Variants in AFF3 observed in about 807,000 individuals in gnomAD.
AFF3 encodes the protein AF4/FMR2 family member 3.
In AFF3, 32 loss-of-function variants were observed where a neutral mutation model predicts 129.7. The observed-to-expected ratio is 0.25, with a 90% CI of 0.19 to 0.33. AFF3 has a LOEUF of 0.33. Ranked by LOEUF, AFF3 falls within the 10% of genes least tolerant of loss-of-function variation. The pLI is 1.00. For synonymous variants in AFF3, 644 were observed against 635.4 expected, an observed-to-expected ratio of 1.01 and a Z score of -0.20; for missense variants, 1,373 against 1,592.0, an observed-to-expected ratio of 0.86 and a Z score of 2.34.
chr2:100,120,953 T>C (rs1691938711), intron 2 of AFF3, among the ~76,000 whole-genome samples: 1 of 152,182 alleles, frequency 6.6e-6, no homozygotes, highest in Non-Finnish European at 1.5e-5. Flanking sequence ...TTGCCTTTTA[T>C]CCTAGTCTCA....
intron 7 of AFF3, among the ~76,000 whole-genome samples, chr2:99,922,458 AG>A (rs376097830): frequency 6.6e-6 from 1 of 152,372 alleles, no homozygotes; most frequent in African/African-American, 2.4e-5. Context: ...CTGGATAAAA[AG>A]AAGCCAGAAA....
intron 2 of AFF3, chr2:100,106,538 C>A: frequency 2.0e-6 from 2 of 997,114 alleles, no homozygotes; most frequent in Non-Finnish European, 2.4e-6. Context: ...ATTGAGACAG[C>A]ATTCCCAGGA....
chr2:99,575,886 T>C (rs191647053), intron 18 of AFF3, among the ~76,000 whole-genome samples: 106 of 152,280 alleles, frequency 7.0e-4, no homozygotes, highest in African/African-American at 2.4e-3. Flanking sequence ...GTTTCAGCCA[T>C]AGCAGATTAA....
At chr2:99,719,993 C>T (rs1263972192) in intron 11 of AFF3, among the ~76,000 whole-genome samples, 7 of 152,114 alleles carry the variant, frequency 4.6e-5, no homozygotes, top group Admixed American at 1.3e-4. Flanking sequence ...GCTGAGATCG[C>T]GCCAATGCAC....
chr2:99,834,550 T>C (rs191773568), intron 8 of AFF3, among the ~76,000 whole-genome samples: 135 of 152,352 alleles, frequency 8.9e-4, no homozygotes, highest in Non-Finnish European at 1.7e-3. Context: ...CTGCATTTTC[T>C]GTTTTCTCGA....
At chr2:99,791,821 GTTTTTC>G (rs1685208963) in intron 8 of AFF3, among the ~76,000 whole-genome samples, 1 of 150,138 alleles carries the variant, frequency 6.7e-6, no homozygotes, top group Non-Finnish European at 1.5e-5. Context: ...GCAATTTTGT[GTTTTTC>G]TTTTTTTTTT....
At chr2:99,634,767 T>C (rs945245877) in intron 13 of AFF3, among the ~76,000 whole-genome samples, 4 of 151,906 alleles carry the variant, frequency 2.6e-5, no homozygotes, top group Admixed American at 2.6e-4. Flanking sequence ...TATATTTAAG[T>C]GCAGAACACA....
intron 7 of AFF3, among the ~76,000 whole-genome samples, chr2:99,948,689 A>G (rs911344682): frequency 6.6e-6 from 1 of 152,204 alleles, no homozygotes; most frequent in African/African-American, 2.4e-5. Context: ...GCAAGGCCAG[A>G]GCAGGACAAG....
chr2:99,969,581 C>T (rs1045168272), intron 7 of AFF3, among the ~76,000 whole-genome samples: 1 of 152,080 alleles, frequency 6.6e-6, no homozygotes, highest in Non-Finnish European at 1.5e-5. Context: ...CTCCGCCTCC[C>T]AGGCTCAAAA....
At chr2:99,807,240 G>A (rs181244233) in intron 8 of AFF3, among the ~76,000 whole-genome samples, 1 of 152,330 alleles carries the variant, frequency 6.6e-6, no homozygotes, top group African/African-American at 2.4e-5. Context: ...GGATGGAAGA[G>A]GATGGTGCAT....
intron 16 of AFF3, among the ~76,000 whole-genome samples, chr2:99,585,025 G>A (rs188136422): frequency 1.6e-3 from 247 of 152,348 alleles, no homozygotes; most frequent in Middle Eastern, 3.4e-3. Flanking sequence ...AAAGCACGGT[G>A]TGTCTAACAA....
At chr2:99,897,361 C>A (rs778234394) in intron 7 of AFF3, among the ~76,000 whole-genome samples, 8 of 152,130 alleles carry the variant, frequency 5.3e-5, no homozygotes, top group Non-Finnish European at 1.0e-4. Context: ...TTCTCTCCCC[C>A]TAAAACATCA....
chr2:99,837,545 A>C, intron 7 of AFF3, 21 bp from the exon 8 acceptor site: 1 of 1,608,880 alleles, frequency 6.2e-7, no homozygotes, highest in Non-Finnish European at 8.5e-7. Context: ...AGAAAAAAAA[A>C]TTAAGCCTGA....
At chr2:99,567,370 C>T (rs1195443870) in intron 19 of AFF3, among the ~76,000 whole-genome samples, 2 of 152,102 alleles carry the variant, frequency 1.3e-5, no homozygotes, top group African/African-American at 4.8e-5. Context: ...GTGGTATGTG[C>T]ACTCCACAAG....
At chr2:100,017,461 C>A in intron 4 of AFF3, among the ~76,000 whole-genome samples, 1 of 152,178 alleles carries the variant, frequency 6.6e-6, no homozygotes. Flanking sequence ...GCTATGCTGA[C>A]CTGTTCTACC....
chr2:100,022,824 G>A (rs181431540), intron 4 of AFF3, among the ~76,000 whole-genome samples: 1 of 151,832 alleles, frequency 6.6e-6, no homozygotes, highest in East Asian at 1.9e-4. Flanking sequence ...TTAATGTGAA[G>A]AGAGCCCATG....
At chr2:99,864,814 T>C (rs763126266) in intron 7 of AFF3, among the ~76,000 whole-genome samples, 8 of 152,138 alleles carry the variant, frequency 5.3e-5, no homozygotes, top group Non-Finnish European at 1.0e-4. Context: ...CATAAAATAG[T>C]AAGGGCTAGG....
chr2:99,838,848 C>A (rs541148723), intron 7 of AFF3, among the ~76,000 whole-genome samples: 1 of 152,214 alleles, frequency 6.6e-6, no homozygotes, highest in Non-Finnish European at 1.5e-5. Context: ...TACCAGTGAC[C>A]GTTCCATCAC....
intron 4 of AFF3, among the ~76,000 whole-genome samples, chr2:100,012,646 C>T (rs1682653407): frequency 6.6e-6 from 1 of 152,178 alleles, no homozygotes. Context: ...CATCTCTTGC[C>T]ATGAAAGCTT....
Sources: allele counts gnomAD v4.1 joint callset (sites outside exome capture counted in the v4.1 genomes callset), GRCh38; gene constraint gnomAD v4.1.1; transcripts MANE v1.5; gene names NCBI Gene and HGNC (gene_info 2026-07-23, HGNC 2026-07-21).